Variants in TLE3 observed in about 807,000 individuals in gnomAD.
TLE3 encodes the protein TLE family member 3, transcriptional corepressor.
In TLE3, 14 loss-of-function variants were observed where a neutral mutation model predicts 93.0. That is an observed-to-expected ratio of 0.15 (90% CI 0.10 to 0.24). The LOEUF is 0.24. Among genes scored for constraint, TLE3 ranks in the 10% least tolerant of loss-of-function variants. TLE3 has a pLI of 1.00. For missense variants in TLE3, 693 were observed against 1,046.6 expected (o/e 0.66, Z 4.66); for synonymous variants, 451 against 425.0 (o/e 1.06, Z -0.75).
intron 4 of TLE3, among the ~76,000 whole-genome samples, chr15:70,093,723 T>C (rs568016444): frequency 6.6e-6 from 1 of 152,340 alleles, no homozygotes; most frequent in East Asian, 1.9e-4. Flanking sequence ...TAAAGGGTGT[T>C]TGTATTTGCT....
At chr15:70,075,595 G>A (rs572155024) in intron 5 of TLE3, among the ~76,000 whole-genome samples, 11 of 152,314 alleles carry the variant, frequency 7.2e-5, no homozygotes, top group Admixed American at 1.3e-4. Context: ...AAGTCGGCCC[G>A]TCTGTCTGGT....
intron 13 of TLE3, among the ~76,000 whole-genome samples, chr15:70,057,066 A>G (rs1229110678): frequency 6.6e-6 from 1 of 152,066 alleles, no homozygotes; most frequent in Admixed American, 6.5e-5. Context: ...AACTCTTATT[A>G]TTTATTCACC....
intron 1 of TLE3, chr15:70,096,486 A>T (rs2058568840): frequency 8.6e-7 from 1 of 1,165,722 alleles, no homozygotes; most frequent in Non-Finnish European, 1.2e-6. Context: ...CCCTCTCCCC[A>T]GTAAGGCGGG....
At chr15:70,096,576 G>A (rs891609010) in intron 1 of TLE3, 199 bp downstream of exon 1, 7 of 1,508,552 alleles carry the variant, frequency 4.6e-6, no homozygotes, top group Non-Finnish European at 6.2e-6. Context: ...TGGAACACAA[G>A]CAGCCCCCCG....
intron 9 of TLE3, 64 bp downstream of exon 9, chr15:70,060,466 C>G: frequency 6.2e-7 from 1 of 1,600,748 alleles, no homozygotes; most frequent in South Asian, 1.1e-5. Context: ...CAGCTTGGGC[C>G]CTGCAGACAC....
intron 6 of TLE3, among the ~76,000 whole-genome samples, chr15:70,072,195 C>T (rs1022239768): frequency 2.2e-4 from 34 of 152,312 alleles, no homozygotes; most frequent in Middle Eastern, 3.4e-3. Context: ...CGAGCTGCCT[C>T]GACCTAACTT....
Position 70,090,240 on chromosome 15 carries a change from T to C in TLE3, c.234+4292A>G, listed in dbSNP as rs191020781. Among the ~76,000 whole-genome samples, 777 of 151,840 alleles carry C rather than the reference T, an allele frequency of 5.1e-3. 1 individual carries two copies. The highest frequency in any genetic ancestry group is 8.1e-3 in the Non-Finnish European group (551 of 67,934). The stretch of plus-strand genomic sequence containing the variant: ...AGTGAGAGGACTCGTGATTACAGTC[T>C]GTTCCAGGGAAGATCAATATAGCAG... On this transcript the variant is annotated intron_variant, in intron 4 of 19. Transcript: ENST00000451782.
chr15:70,067,564 T>C (rs1022823278), intron 6 of TLE3, among the ~76,000 whole-genome samples: 11 of 152,136 alleles, frequency 7.2e-5, no homozygotes, highest in African/African-American at 2.7e-4. Context: ...AGAGAATAGA[T>C]CTGAGAAGCT....
chr15:70,056,192 A>T, intron 14 of TLE3, 106 bp downstream of exon 14: 1 of 1,265,302 alleles, frequency 7.9e-7, no homozygotes. Flanking sequence ...GAGGTGCACC[A>T]GGGCAAACCC....
rs2056267461 is a variant in TLE3 at position 70,058,802 on chromosome 15, G to T, written c.779C>A (p.Pro260His). The T allele has an allele frequency of 6.3e-7, 1 of 1,584,310 alleles. No individual in the cohort carries two copies. The highest frequency in any genetic ancestry group is 1.8e-5 in the Admixed American group (1 of 54,800). The change falls in exon 11 of 20, where the codon CCC becomes CAC. Residue 260 changes from proline to histidine, a missense_variant. Coordinates refer to ENST00000451782, the MANE Select transcript of TLE3 (RefSeq NM_001105192.3). This position sits in a 1 kb window ranked among gnomAD's most constrained non-coding sequence, Gnocchi z 4.1. Reference sequence around the variant, plus strand: ...AGGGGAGTGTGCCGGGCTGACCCGGGGCGTTGCGGGGTCCTGAAAACACAA... The same window carrying T: ...AGGGGAGTGTGCCGGGCTGACCCGGTGCGTTGCGGGGTCCTGAAAACACAA... ...VDVSNEDPATPRVSPAHSPPE... is the reference protein window; with the variant it reads ...VDVSNEDPATHRVSPAHSPPE...
In TLE3 at chr15:70,061,278, G is replaced by A. The variant is rs540938538; in HGVS notation, c.595-629C>T. Among the ~76,000 whole-genome samples, 6 of 152,196 alleles carry A rather than the reference G, an allele frequency of 3.9e-5. 1 individual carries two copies. The highest frequency in any genetic ancestry group is 4.1e-4 in the South Asian group (2 of 4,824). ...GTTGTAAAAAAAACAAAAATGCCAC[G>A]TCATGAAGCCTTTCCCTCTGACAGA... On this transcript the variant is annotated intron_variant, in intron 8 of 19. Transcript: ENST00000451782.
At chr15:70,052,136 G>C (rs1380733290) in intron 18 of TLE3, among the ~76,000 whole-genome samples, 1 of 152,232 alleles carries the variant, frequency 6.6e-6, no homozygotes, top group Non-Finnish European at 1.5e-5. Context: ...GCAAGAACTG[G>C]CTCTGGCCTA....
chr15:70,096,261 C>A lies in TLE3; in HGVS notation c.25G>T (p.Ala9Ser). 2 of 1,552,792 alleles carry A rather than the reference C, an allele frequency of 1.3e-6. No homozygotes were observed. Among genetic ancestry groups the A allele is most frequent in the Non-Finnish European group, 1.7e-6 (2 of 1,148,042 alleles). Residue 9 changes from alanine (A) to serine (S), a missense_variant and splice_region_variant, in exon 2 of 20, where the codon GCT becomes TCT. Ala to Ser is a moderately conservative substitution (Grantham distance 99). This residue lies in a region of TLE3 where 31 missense variants were observed against 24.0 expected (regional missense o/e 1.29). Coordinates refer to ENST00000451782, the MANE Select transcript of TLE3 (RefSeq NM_001105192.3). ...CCCGGCTGCCCGGGTTGATGGGGAG[C>A]CTGGAGCCCGCGAAGACAAGACAGG... is the stretch of plus-strand genomic sequence containing the variant. Reference protein sequence around the residue: MYPQGRHPAPHQPGQPGFK... With the variant: MYPQGRHPSPHQPGQPGFK...
At chr15:70,055,485 C>A in intron 14 of TLE3, 187 bp from the exon 15 acceptor site, 1 of 666,450 alleles carries the variant, frequency 1.5e-6, no homozygotes, top group Non-Finnish European at 2.3e-6. Context: ...ACATGATTAA[C>A]AGACCAGCTT....
intron 13 of TLE3, among the ~76,000 whole-genome samples, chr15:70,057,159 C>T (rs1216413777): frequency 6.6e-6 from 1 of 152,214 alleles, no homozygotes; most frequent in East Asian, 1.9e-4. Flanking sequence ...GGGATTCCTA[C>T]CCCCCAGAGC....
In TLE3 at chr15:70,058,552, A is replaced by C. The variant is rs553952922; in HGVS notation, c.918+111T>G. On this transcript the variant is annotated intron_variant, in intron 11 of 19. Transcript: ENST00000451782. This position sits in a 1 kb window ranked among gnomAD's most constrained non-coding sequence, Gnocchi z 4.1. Reference sequence around the variant, plus strand: ...CAGGCACAGAAGGTAAACCGGGGCCAATCACCCACCCAGCTTCTCCCACTC... The same window carrying C: ...CAGGCACAGAAGGTAAACCGGGGCCCATCACCCACCCAGCTTCTCCCACTC... The C allele has an allele frequency of 2.2e-4, 313 of 1,437,884 alleles. 1 individual carries two copies. In the African/African-American group the frequency reaches 4.2e-3, roughly 19 times the overall value. The allele number at this position is 1,437,884 out of a possible 1,614,324, so 89.1% of individuals were successfully genotyped here.
intron 18 of TLE3, 52 bp from the exon 19 acceptor site, chr15:70,051,519 A>G: frequency 6.6e-7 from 1 of 1,510,776 alleles, no homozygotes; most frequent in Non-Finnish European, 9.0e-7. Flanking sequence ...TGCCCTCTAA[A>G]GCAAGACCTG....
At chr15:70,056,277 G>A (rs749577649) in intron 14 of TLE3, 21 bp downstream of exon 14, 15 of 1,612,350 alleles carry the variant, frequency 9.3e-6, no homozygotes, top group Middle Eastern at 3.3e-4. Flanking sequence ...AAAGCATGCA[G>A]TAAGTATAGC....
Position 70,055,040 on chromosome 15 carries a change from G to A in TLE3, c.1578+9C>T. On this transcript the variant is annotated intron_variant, in intron 15 of 19. Coordinates refer to ENST00000451782, the MANE Select transcript of TLE3 (RefSeq NM_001105192.3). ...GCTGGAGGCGGCGCAGCAGCCCTGG[G>A]ATTCTCACCAGGCAGTCCAGCTGGG... The A allele has an allele frequency of 1.2e-6, 2 of 1,600,270 alleles. No homozygotes were observed. Among genetic ancestry groups the A allele is most frequent in the East Asian group, 2.3e-5 (1 of 44,112 alleles).
Sources: gnomAD v4.1 joint callset for allele counts (sites outside exome capture counted in the v4.1 genomes callset) on GRCh38, gnomAD v4.1.1 for gene constraint, gnomAD v4.1.1 regional missense constraint, Gnocchi (gnomAD v3.1) non-coding constraint, MANE v1.5 for transcripts, NCBI Gene and HGNC (gene_info 2026-07-23, HGNC 2026-07-21) for gene names.